FAT3: variants seen among roughly 807,000 people sequenced by gnomAD.
FAT3 encodes the protein protocadherin Fat 3.
In FAT3, 95 loss-of-function variants were observed where a neutral mutation model predicts 310.2. The observed-to-expected ratio is 0.31, with a 90% CI of 0.26 to 0.36. The LOEUF is 0.36. FAT3 is among the 10% of genes least tolerant of loss of function. The pLI is 1.00. For synonymous variants in FAT3, 2,314 were observed against 2,192.9 expected, an observed-to-expected ratio of 1.06 and a Z score of -1.54; for missense variants, 5,408 against 5,715.6, an observed-to-expected ratio of 0.95 and a Z score of 1.74.
At chr11:92,734,902 G>C (rs1391476853) in intron 4 of FAT3, among the ~76,000 whole-genome samples, 1 of 152,152 alleles carries the variant, frequency 6.6e-6, no homozygotes, top group Non-Finnish European at 1.5e-5. Context: ...CGGATAAAAG[G>C]AGACCAGTCA....
At chr11:92,528,547 C>T (rs771743164) in intron 3 of FAT3, among the ~76,000 whole-genome samples, 6 of 152,154 alleles carry the variant, frequency 3.9e-5, no homozygotes, top group East Asian at 1.9e-4. Flanking sequence ...CCACCACACC[C>T]GGCTAATTTT....
Position 92,798,610 on chromosome 11 carries a change from C to T in FAT3, c.5597C>T (p.Pro1866Leu). 1 of 1,613,764 alleles carries T rather than the reference C, an allele frequency of 6.2e-7. No individual in the cohort carries two copies. ...AGCCCCCAACTGACTGCAGAGAGTCCCGTTGAAGTCAACATTGAGGTGACA... is the reference window on the plus strand; with the variant it reads ...AGCCCCCAACTGACTGCAGAGAGTCTCGTTGAAGTCAACATTGAGGTGACA... ...SGSPQLTAES[P>L]VEVNIEVTDV... The change falls in exon 10 of 28, where the codon CCC becomes CTC. Residue 1866 changes from proline (P) to leucine (L), a missense_variant. Physicochemically the swap from Pro to Leu is moderately conservative, Grantham distance 98. Coordinates refer to ENST00000525166, the MANE Select transcript of FAT3 (RefSeq NM_001367949.2).
chr11:92,757,069 C>T (rs1000946428), intron 4 of FAT3, among the ~76,000 whole-genome samples: 1 of 151,896 alleles, frequency 6.6e-6, no homozygotes, highest in African/African-American at 2.4e-5. Flanking sequence ...GAATTACAAG[C>T]ATGTGCCACC....
chr11:92,519,786 T>C (rs1274398805), intron 2 of FAT3, among the ~76,000 whole-genome samples: 1 of 152,098 alleles, frequency 6.6e-6, no homozygotes, highest in African/African-American at 2.4e-5. Flanking sequence ...ATGCTTAACA[T>C]CATAAAGATG....
rs115450024 is a variant in FAT3, at chr11:92,377,720, T to C, written c.3292+22316T>C. 2.0e-3 allele frequency among the ~76,000 whole-genome samples: 312 copies of C among 152,276 alleles called. 4 individuals carry two copies. The highest frequency in any genetic ancestry group is 6.7e-3 in the African/African-American group (280 of 41,572). Reference sequence around the variant, plus strand: ...GATTTATTTCTGATGCACTATTGGGTCCTGTGTCTGGCTCAGTCAGAACCT... The same window carrying C: ...GATTTATTTCTGATGCACTATTGGGCCCTGTGTCTGGCTCAGTCAGAACCT... On this transcript the variant is annotated intron_variant, in intron 2 of 27. Coordinates refer to ENST00000525166, the MANE Select transcript of FAT3 (RefSeq NM_001367949.2).
chr11:92,354,526 A>G lies in FAT3; in HGVS notation c.2414A>G (p.Asp805Gly). The G allele has an allele frequency of 6.2e-7, 1 of 1,613,844 alleles. No individual in the cohort carries two copies. Among genetic ancestry groups the G allele is most frequent in the Non-Finnish European group, 8.5e-7 (1 of 1,179,858 alleles). Reference sequence around the variant, plus strand: ...TATCTCCTTAATATCACCATCTATGACTTAGGTAATCCACAGAAATCGTCA... The same window carrying G: ...TATCTCCTTAATATCACCATCTATGGCTTAGGTAATCCACAGAAATCGTCA... ...DLYLLNITIY[D>G]LGNPQKSSWR... The change falls in exon 2 of 28, where the codon GAC becomes GGC. Residue 805 changes from aspartate to glycine, a missense_variant. This residue lies in a region of FAT3 where 4,588 missense variants were observed against 4,809.8 expected (regional missense o/e 0.95). Coordinates refer to ENST00000525166, the MANE Select transcript of FAT3 (RefSeq NM_001367949.2).
chr11:92,586,497 G>C (rs1457175612), intron 3 of FAT3, among the ~76,000 whole-genome samples: 2 of 152,008 alleles, frequency 1.3e-5, no homozygotes, highest in Non-Finnish European at 2.9e-5. Flanking sequence ...GTGTCTCTGA[G>C]TGAAGGATAT....
chr11:92,291,659 A>G (rs1252273885), intron 1 of FAT3, among the ~76,000 whole-genome samples: 1 of 152,140 alleles, frequency 6.6e-6, no homozygotes. Flanking sequence ...GGCCTGAGCC[A>G]CAGATAAAAT....
rs887214312 is a variant in FAT3 at position 92,844,714 on chromosome 11, G to A, written c.11347G>A (p.Val3783Met). 5.2e-6 allele frequency: 8 copies of A among 1,547,312 alleles called. No individual in the cohort carries two copies. The highest frequency in any genetic ancestry group is 1.2e-5 in the South Asian group (1 of 82,484). Residue 3783 changes from valine (V) to methionine (M), a missense_variant, in exon 19 of 28, where the codon GTG becomes ATG. Coordinates refer to ENST00000525166, the MANE Select transcript of FAT3 (RefSeq NM_001367949.2). ...SFVCPRFYRN[V>M]RCTCNGGLCP... ...TGTGTGTCCGCGTTTCTACAGGAAC[G>A]TGCGTTGCACCTGCAATGGTGAGTG...
intron 2 of FAT3, among the ~76,000 whole-genome samples, chr11:92,456,034 AT>A (rs1951485892): frequency 1.3e-5 from 2 of 152,160 alleles, no homozygotes; most frequent in Admixed American, 1.3e-4. Context: ...AACGCTGAGA[AT>A]CTGCAATGAG....
chr11:92,715,754 T>TA, intron 4 of FAT3, among the ~76,000 whole-genome samples: 1 of 152,004 alleles, frequency 6.6e-6, no homozygotes, highest in Non-Finnish European at 1.5e-5. Flanking sequence ...TGGCTGCACT[T>TA]ATCAGGGAGG....
intron 3 of FAT3, among the ~76,000 whole-genome samples, chr11:92,543,920 T>C (rs1954532148): frequency 6.6e-6 from 1 of 152,194 alleles, no homozygotes; most frequent in African/African-American, 2.4e-5. Context: ...TCTGCTGACT[T>C]ATGTTCTGTT....
At position 92,403,963 on chromosome 11, in the gene FAT3, G is replaced by C. The variant is rs188707711; in HGVS notation, c.3292+48559G>C. Among the ~76,000 whole-genome samples, 256 of 152,156 alleles carry C rather than the reference G, an allele frequency of 1.7e-3. 2 individuals are homozygous for C. The highest frequency in any genetic ancestry group is 6.0e-3 in the African/African-American group (250 of 41,502). On this transcript the variant is annotated intron_variant, in intron 2 of 27. Coordinates refer to ENST00000525166, the MANE Select transcript of FAT3 (RefSeq NM_001367949.2). ...AGGAAGGATAATTGCTTGAACCTGGGAGGCGGAGGTTGCATGAGCCAAGAT... is the reference window on the plus strand; with the variant it reads ...AGGAAGGATAATTGCTTGAACCTGGCAGGCGGAGGTTGCATGAGCCAAGAT...
chr11:92,231,192 T>A (rs1864167856), intron 1 of FAT3, among the ~76,000 whole-genome samples: 1 of 152,200 alleles, frequency 6.6e-6, no homozygotes, highest in African/African-American at 2.4e-5. Context: ...GTATTCTTAG[T>A]CCTCTGTTTT....
In FAT3 at chr11:92,764,954, C is replaced by T. The variant is rs368814094; in HGVS notation, c.4060C>T (p.Pro1354Ser). 14 of 1,613,864 alleles carry T rather than the reference C, an allele frequency of 8.7e-6. No individual in the cohort carries two copies. In the African/African-American group the frequency reaches 1.9e-4, roughly 22 times the overall value. The change falls in exon 6 of 28, where the codon CCC (proline) becomes TCC (serine). Residue 1354 changes from proline to serine, a missense_variant. Physicochemically the swap from Pro to Ser is moderately conservative, Grantham distance 74 (BLOSUM62 -1). Around this residue, in one of 5 missense-constraint regions of FAT3, gnomAD observed 4,588 missense variants for 4,809.8 expected, o/e 0.95. Transcript: ENST00000525166. ...RLHIEWIKKPPPSPIPLTFDE... is the reference protein window; with the variant it reads ...RLHIEWIKKPSPSPIPLTFDE... ...CCACATTGAATGGATTAAGAAACCA[C>T]CCCCTTCACCTATACCATTGACCTT...
chr11:92,355,128 T>C lies in FAT3; in HGVS notation c.3016T>C (p.Tyr1006His), dbSNP rs1948695465. ...GCTTGATTATGAGAAACAGCAGTTC[T>C]ATAACCTTACTGTGCGGGCCAAAGA... ...KELDYEKQQF[Y>H]NLTVRAKDKG... The change falls in exon 2 of 28, where the codon TAT becomes CAT. Residue 1006 changes from tyrosine (Y) to histidine (H), a missense_variant. Around this residue, in one of 5 missense-constraint regions of FAT3, gnomAD observed 4,588 missense variants for 4,809.8 expected, o/e 0.95. Coordinates refer to ENST00000525166, the MANE Select transcript of FAT3 (RefSeq NM_001367949.2). 1 of 1,613,818 alleles carries C rather than the reference T, an allele frequency of 6.2e-7. No individual in the cohort carries two copies. The highest frequency in any genetic ancestry group is 1.3e-5 in the African/African-American group (1 of 75,048).
intron 13 of FAT3, among the ~76,000 whole-genome samples, chr11:92,812,169 G>A (rs75482099): frequency 2.7e-4 from 41 of 152,232 alleles, no homozygotes; most frequent in East Asian, 1.4e-3. Context: ...CAATTTCTCC[G>A]TTTCCTAAGA....
At chr11:92,432,987 G>C (rs185064980) in intron 2 of FAT3, among the ~76,000 whole-genome samples, 1 of 152,170 alleles carries the variant, frequency 6.6e-6, no homozygotes, top group Admixed American at 6.5e-5. Context: ...GCGGCACTAC[G>C]TTGGGCTCTG....
chr11:92,776,081 C>T (rs533717868), intron 7 of FAT3, among the ~76,000 whole-genome samples: 3 of 152,276 alleles, frequency 2.0e-5, no homozygotes, highest in Middle Eastern at 3.4e-3. Flanking sequence ...CATATTCAAC[C>T]TTGACTTCTT....
Sources: allele counts gnomAD v4.1 joint callset (sites outside exome capture counted in the v4.1 genomes callset), GRCh38; gene constraint gnomAD v4.1.1; regional missense constraint gnomAD v4.1.1; transcripts MANE v1.5; gene names NCBI Gene and HGNC (gene_info 2026-07-23, HGNC 2026-07-21).